The following GPC6 variants were observed in gnomAD, a reference collection of about 807,000 sequenced individuals.
GPC6 encodes glypican 6, also known as glypican-6.
GPC6 carries 14 observed loss-of-function variants against 55.2 expected under a neutral mutation model. The ratio of observed to expected loss-of-function variants is 0.25; its 90% CI spans 0.17 to 0.40. The LOEUF is 0.40. GPC6 is among the 10% of genes least tolerant of loss of function. GPC6 has a pLI of 1.00. For synonymous variants in GPC6, 278 were observed against 259.6 expected, an observed-to-expected ratio of 1.07 and a Z score of -0.68; for missense variants, 641 against 708.5, an observed-to-expected ratio of 0.90 and a Z score of 1.08.
rs148921038 is a variant in GPC6, at chr13:93,651,408, A to C, written c.319+105987A>C. Among the ~76,000 whole-genome samples, 3 of 152,282 alleles carry C rather than the reference A, an allele frequency of 2.0e-5. No homozygotes were observed. In the East Asian group the frequency reaches 5.8e-4, roughly 29 times the overall value. ...CTGTTTGAAGAAACAGCTGAGCCTC[A>C]GGAAGGTCAGTGGTGTAGGCAGGCC... On this transcript the variant is annotated intron_variant, in intron 2 of 8. Transcript: ENST00000377047.
At chr13:93,790,060 A>C (rs1449428445) in intron 2 of GPC6, among the ~76,000 whole-genome samples, 1 of 152,138 alleles carries the variant, frequency 6.6e-6, no homozygotes, top group African/African-American at 2.4e-5. Flanking sequence ...CCATCTTCAA[A>C]TGTCAGTAGT....
chr13:94,220,260 C>T (rs570263170), intron 4 of GPC6, among the ~76,000 whole-genome samples: 5 of 152,238 alleles, frequency 3.3e-5, no homozygotes, highest in African/African-American at 7.2e-5. Context: ...TTCTCACATA[C>T]GTTCCAAGTC....
intron 1 of GPC6, among the ~76,000 whole-genome samples, chr13:93,362,081 TG>T (rs771971717): frequency 1.3e-5 from 2 of 152,214 alleles, no homozygotes; most frequent in Non-Finnish European, 2.9e-5. Flanking sequence ...CAGGATGCTC[TG>T]GGGTATGTTT....
chr13:94,162,751 A>AT (rs1176819908), intron 4 of GPC6, among the ~76,000 whole-genome samples: 6 of 151,972 alleles, frequency 3.9e-5, no homozygotes, highest in African/African-American at 1.4e-4. Context: ...TTTCTTCTGC[A>AT]TTTTCAGTTA....
In GPC6 at chr13:93,261,446, C is replaced by T. The variant is rs552686890; in HGVS notation, c.160+33830C>T. Among the ~76,000 whole-genome samples the T allele has an allele frequency of 5.3e-5, 8 of 152,266 alleles. No homozygotes were observed. The South Asian group carries it at 1.7e-3, about 32-fold the overall frequency. The stretch of plus-strand genomic sequence containing the variant: ...CAGCTCTCAGGAATAGCACATTTTC[C>T]TGTAGTACTGCATTTACTTGAAACA... On this transcript the variant is annotated intron_variant, in intron 1 of 8. Transcript: ENST00000377047.
intron 1 of GPC6, among the ~76,000 whole-genome samples, chr13:93,438,162 A>T (rs936362527): frequency 6.6e-6 from 1 of 152,146 alleles, no homozygotes; most frequent in Non-Finnish European, 1.5e-5. Context: ...CTCATTGACA[A>T]TGCACCTGGT....
At chr13:93,664,882 C>G (rs1297385551) in intron 2 of GPC6, among the ~76,000 whole-genome samples, 3 of 152,210 alleles carry the variant, frequency 2.0e-5, no homozygotes, top group Non-Finnish European at 4.4e-5. Context: ...CTTAAATTGA[C>G]AGACATTAAA....
At chr13:93,940,560 A>G (rs1347501929) in intron 3 of GPC6, among the ~76,000 whole-genome samples, 1 of 152,150 alleles carries the variant, frequency 6.6e-6, no homozygotes, top group Non-Finnish European at 1.5e-5. Flanking sequence ...TGGCACAAAA[A>G]AGGAGTGAGT....
intron 3 of GPC6, among the ~76,000 whole-genome samples, chr13:94,024,585 C>T (rs545899458): frequency 4.2e-4 from 64 of 152,156 alleles, no homozygotes; most frequent in Non-Finnish European, 8.4e-4. Context: ...CTTTATTTGA[C>T]CAGGAAGGAT....
intron 4 of GPC6, among the ~76,000 whole-genome samples, chr13:94,035,370 A>G (rs564547358): frequency 1.8e-4 from 27 of 152,230 alleles, no homozygotes; most frequent in African/African-American, 6.0e-4. Flanking sequence ...TAGCCCAATG[A>G]CATTCTTAGC....
At chr13:93,719,540 T>A (rs1883376711) in intron 2 of GPC6, among the ~76,000 whole-genome samples, 1 of 152,082 alleles carries the variant, frequency 6.6e-6, no homozygotes, top group African/African-American at 2.4e-5. Context: ...CAGAGATAAT[T>A]TGAGTTCCTC....
chr13:93,393,002 A>G (rs1416509836), intron 1 of GPC6, among the ~76,000 whole-genome samples: 1 of 152,052 alleles, frequency 6.6e-6, no homozygotes, highest in Middle Eastern at 3.4e-3. Flanking sequence ...AGTTTAGAAC[A>G]TACCTTTCTA....
At chr13:94,293,164 T>C (rs1875091281) in intron 5 of GPC6, among the ~76,000 whole-genome samples, 1 of 152,148 alleles carries the variant, frequency 6.6e-6, no homozygotes, top group Non-Finnish European at 1.5e-5. Context: ...TGCTGTATCC[T>C]TTCAACAAAT....
At position 93,581,376 on chromosome 13, in the gene GPC6, A is replaced by T. The variant is rs1455007148; in HGVS notation, c.319+35955A>T. On this transcript the variant is annotated intron_variant, in intron 2 of 8. Transcript: ENST00000377047. ...AAACTTAGAATTAGAGCCCCAAATA[A>T]TTTTATTAACAAAACCAACAGATAT... Among the ~76,000 whole-genome samples, 5 of 152,256 alleles carry T rather than the reference A, an allele frequency of 3.3e-5. No homozygotes were observed. The South Asian group carries it at 1.0e-3, about 32-fold the overall frequency.
At chr13:93,677,211 G>GT (rs1257802740) in intron 2 of GPC6, among the ~76,000 whole-genome samples, 1 of 152,036 alleles carries the variant, frequency 6.6e-6, no homozygotes, top group Non-Finnish European at 1.5e-5. Context: ...TTAATAATAT[G>GT]TTCTAAGCCA....
intron 4 of GPC6, among the ~76,000 whole-genome samples, chr13:94,254,319 T>C (rs1043977116): frequency 2.6e-5 from 4 of 152,134 alleles, no homozygotes; most frequent in African/African-American, 9.7e-5. Context: ...AAGTACTTCA[T>C]TGAAGAAATG....
chr13:93,358,411 A>T (rs1448319580), intron 1 of GPC6, among the ~76,000 whole-genome samples: 2 of 152,132 alleles, frequency 1.3e-5, no homozygotes, highest in African/African-American at 4.8e-5. Flanking sequence ...AGTGCTTCTT[A>T]TGTTCTCTCA....
chr13:93,314,969 A>C (rs1332480498), intron 1 of GPC6, among the ~76,000 whole-genome samples: 1 of 152,128 alleles, frequency 6.6e-6, no homozygotes, highest in East Asian at 1.9e-4. Context: ...ATGTCATAGC[A>C]GTAGAAACAG....
intron 1 of GPC6, among the ~76,000 whole-genome samples, chr13:93,526,483 T>G (rs1340457016): frequency 6.6e-6 from 1 of 152,104 alleles, no homozygotes; most frequent in African/African-American, 2.4e-5. Context: ...TATTATAAAT[T>G]GGGTTAAATG....
Sources: gnomAD v4.1 joint callset for allele counts (sites outside exome capture counted in the v4.1 genomes callset) on GRCh38, gnomAD v4.1.1 for gene constraint, MANE v1.5 for transcripts, NCBI Gene and HGNC (gene_info 2026-07-23, HGNC 2026-07-21) for gene names.